DCHS2: variants seen among roughly 807,000 people sequenced by gnomAD.
The protein encoded by DCHS2 is protocadherin-23.
In DCHS2, 142 loss-of-function variants were observed where a neutral mutation model predicts 182.4. The ratio of observed to expected loss-of-function variants is 0.78; its 90% CI spans 0.68 to 0.89. The LOEUF (loss-of-function observed/expected upper bound fraction) is 0.89, where lower values mean the gene tolerates loss of function less well. Ranked by LOEUF, DCHS2 falls within the 40% of genes least tolerant of loss-of-function variation. DCHS2 has a pLI of 0.00. For synonymous variants in DCHS2, 1,740 were observed against 1,663.3 expected (o/e 1.05, Z -1.12); for missense variants, 4,319 against 4,198.6 (o/e 1.03, Z -0.79).
At chr4:154,410,574 C>CAAAAAAAAAAAA (rs1160670540) in intron 1 of DCHS2, among the ~76,000 whole-genome samples, 2 of 35,388 alleles carry the variant, frequency 5.7e-5, no homozygotes, top group African/African-American at 2.0e-4. Context: ...GACTCCATCT[C>CAAAAAAAAAAAA]AAAAAAAAAA....
At chr4:154,318,464 T>C (rs1578957496) in intron 9 of DCHS2, among the ~76,000 whole-genome samples, 1 of 152,054 alleles carries the variant, frequency 6.6e-6, no homozygotes, top group Admixed American at 6.6e-5. Context: ...ATCTTATATA[T>C]AGAAAATCCT....
At chr4:154,343,139 A>G (rs1018472024) in intron 3 of DCHS2, among the ~76,000 whole-genome samples, 1 of 152,218 alleles carries the variant, frequency 6.6e-6, no homozygotes, top group African/African-American at 2.4e-5. Flanking sequence ...GGTTTAAAAT[A>G]TTCTGTAAAC....
chr4:154,397,887 T>C (rs1347251541), intron 1 of DCHS2, among the ~76,000 whole-genome samples: 1 of 152,166 alleles, frequency 6.6e-6, no homozygotes, highest in African/African-American at 2.4e-5. Flanking sequence ...AATGAAAACC[T>C]GGCACAAAAT....
intron 1 of DCHS2, among the ~76,000 whole-genome samples, chr4:154,411,054 G>A (rs1186019504): frequency 2.0e-5 from 3 of 152,200 alleles, no homozygotes; most frequent in African/African-American, 7.2e-5. Context: ...AGAAATGATG[G>A]AGGAGATCCT....
At chr4:154,447,214 C>G (rs1734337263) in intron 1 of DCHS2, among the ~76,000 whole-genome samples, 1 of 152,108 alleles carries the variant, frequency 6.6e-6, no homozygotes, top group Non-Finnish European at 1.5e-5. Flanking sequence ...ATTGCTTGAA[C>G]CTGGGAGGCA....
chr4:154,268,948 T>C (rs1479663259), intron 14 of DCHS2: 2 of 152,200 alleles, frequency 1.3e-5, no homozygotes, highest in Non-Finnish European at 2.9e-5. Context: ...GCTATGCTAC[T>C]CTTCTTCGTT....
chr4:154,317,980 A>C (rs937619970), intron 9 of DCHS2, among the ~76,000 whole-genome samples: 2 of 152,148 alleles, frequency 1.3e-5, no homozygotes, highest in African/African-American at 4.8e-5. Flanking sequence ...CTCAAAGATA[A>C]ATTTCCATAC....
rs918815098 is a variant in DCHS2, at chr4:154,250,767, TTC to T, written c.6941+4750_6941+4751del. 8.5e-5 allele frequency among the ~76,000 whole-genome samples: 13 copies of T among 152,316 alleles called. No homozygotes were observed. In the East Asian group the frequency reaches 1.5e-3, roughly 18 times the overall value. ...AGCTCAGCTTGTTGGCCTAAGCTAG[TTC>T]TCTCTCTTGCAGTGCATCCATTATG... On this transcript the variant is annotated intron_variant, in intron 16 of 19. Transcript: ENST00000357232.
At chr4:154,316,881 A>G (rs1425019301) in intron 9 of DCHS2, among the ~76,000 whole-genome samples, 1 of 152,204 alleles carries the variant, frequency 6.6e-6, no homozygotes, top group Admixed American at 6.5e-5. Flanking sequence ...CATATAAACC[A>G]CATAAGTCAG....
intron 1 of DCHS2, among the ~76,000 whole-genome samples, chr4:154,402,052 T>C (rs553341170): frequency 8.5e-5 from 13 of 152,344 alleles, no homozygotes; most frequent in Non-Finnish European, 1.5e-4. Context: ...CTTGGGTCTA[T>C]AAGCAATCTC....
intron 12 of DCHS2, among the ~76,000 whole-genome samples, chr4:154,300,421 C>A (rs1420663288): frequency 2.6e-5 from 4 of 151,136 alleles, no homozygotes. Flanking sequence ...TTCCTGTAAT[C>A]CCAGAACTTT....
At chr4:154,461,497 C>T (rs897383411) in intron 1 of DCHS2, among the ~76,000 whole-genome samples, 1 of 151,692 alleles carries the variant, frequency 6.6e-6, no homozygotes, top group African/African-American at 2.4e-5. Flanking sequence ...GTTTTTCTAT[C>T]CTGCTAAGTC....
chr4:154,380,124 C>T (rs1382883152), intron 1 of DCHS2, among the ~76,000 whole-genome samples: 1 of 152,038 alleles, frequency 6.6e-6, no homozygotes, highest in Admixed American at 6.6e-5. Context: ...GACTGAGAAC[C>T]CCTGGGCATG....
intron 3 of DCHS2, among the ~76,000 whole-genome samples, chr4:154,340,724 A>C (rs536590150): frequency 2.2e-4 from 34 of 152,364 alleles, no homozygotes; most frequent in Admixed American, 1.3e-3. Context: ...TTATCAAATA[A>C]ATTTGAAGGA....
chr4:154,313,283 C>A (rs79024417), intron 10 of DCHS2, among the ~76,000 whole-genome samples: 3,961 of 152,158 alleles, frequency 0.026, 82 homozygotes, highest in Non-Finnish European at 0.043. Context: ...AGTTTTAATA[C>A]CTTAGTTAAA....
At chr4:154,349,512 G>C (rs1729508732) in intron 3 of DCHS2, among the ~76,000 whole-genome samples, 1 of 152,188 alleles carries the variant, frequency 6.6e-6, no homozygotes, top group South Asian at 2.1e-4. Flanking sequence ...TTTACAGACT[G>C]TGTTTCTATG....
At chr4:154,332,408 T>G in intron 5 of DCHS2, 70 bp downstream of exon 5, 3 of 1,351,834 alleles carry the variant, frequency 2.2e-6, no homozygotes, top group Non-Finnish European at 3.0e-6. Flanking sequence ...TTTTTATTTT[T>G]ACTTAAAGAC....
At position 154,315,856 on chromosome 4, in the gene DCHS2, T is replaced by G. The variant is rs1260046738; in HGVS notation, c.5152A>C (p.Asn1718His). 1 of 1,613,898 alleles carries G rather than the reference T, an allele frequency of 6.2e-7. No individual in the cohort carries two copies. Among genetic ancestry groups the G allele is most frequent in the East Asian group, 2.2e-5 (1 of 44,874 alleles). Residue 1718 changes from asparagine to histidine, a missense_variant, in exon 10 of 20, where the codon AAT becomes CAT. By Grantham distance (68) the Asn-to-His change is moderately conservative (BLOSUM62 1). Transcript: ENST00000357232. ...TGCTTAAATACTGGAGCTTCATCAT[T>G]TACATCAAGAACAGTAACTGTCAAA... ...QTLTVTVLDV[N>H]DEAPVFKQHL...
chr4:154,377,362 G>T lies in DCHS2; in HGVS notation c.2135C>A (p.Pro712His), dbSNP rs1730954805. 2.5e-6 allele frequency: 4 copies of T among 1,613,634 alleles called. No homozygotes were observed. In the East Asian group the frequency reaches 8.9e-5, roughly 36 times the overall value. ...LYDGFLSYEA[P>H]QAFRIDPHDG... ...ATGAGGGTCGATCCGGAATGCCTGA[G>T]GTGCTTCATAGCTCAGGAATCCATC... The change falls in exon 2 of 20, where the codon CCT becomes CAT. Residue 712 changes from proline to histidine, a missense_variant. Pro to His is a moderately conservative substitution (Grantham distance 77). Transcript: ENST00000357232.
Sources: gnomAD v4.1 joint callset for allele counts (sites outside exome capture counted in the v4.1 genomes callset) on GRCh38, gnomAD v4.1.1 for gene constraint, MANE v1.5 for transcripts, NCBI Gene and HGNC (gene_info 2026-07-23, HGNC 2026-07-21) for gene names.